CRTC1: variants seen among roughly 807,000 people sequenced by gnomAD.
The protein encoded by CRTC1 is CREB regulated transcription coactivator 1.
In CRTC1, 18 loss-of-function variants were observed where a neutral mutation model predicts 66.1. That is an observed-to-expected ratio of 0.27 (90% CI 0.19 to 0.40). The LOEUF (loss-of-function observed/expected upper bound fraction) is 0.40. Among genes scored for constraint, CRTC1 ranks in the 10% least tolerant of loss-of-function variants. The pLI is 1.00. For missense variants in CRTC1, 669 were observed against 887.9 expected (o/e 0.75, Z 3.13); for synonymous variants, 416 against 398.8 (o/e 1.04, Z -0.51).
chr19:18,696,373 G>A (rs1213714267), intron 1 of CRTC1, among the ~76,000 whole-genome samples: 1 of 152,226 alleles, frequency 6.6e-6, no homozygotes, highest in African/African-American at 2.4e-5. Context: ...GAAGGTTCTA[G>A]TGGGATGGCA....
intron 11 of CRTC1, among the ~76,000 whole-genome samples, chr19:18,772,850 G>C (rs1005491755): frequency 1.1e-4 from 16 of 152,340 alleles, no homozygotes; most frequent in Middle Eastern, 3.4e-3. Context: ...TGGTCTCGTC[G>C]TGTGGTACTG....
At chr19:18,742,882 C>A in intron 1 of CRTC1, 28 bp from the exon 2 acceptor site, 1 of 1,561,134 alleles carries the variant, frequency 6.4e-7, no homozygotes, top group South Asian at 1.1e-5. Flanking sequence ...GGTGACCCCT[C>A]CCGCAGCTGC....
At chr19:18,762,652 C>T (rs2054640431) in intron 8 of CRTC1, among the ~76,000 whole-genome samples, 2 of 152,220 alleles carry the variant, frequency 1.3e-5, no homozygotes, top group Admixed American at 1.3e-4. Context: ...GGCCCTGACA[C>T]CTGGCCCGCC....
rs2075017 is a variant in CRTC1 at position 18,742,743 on chromosome 19, T to A, written c.127-167T>A. Reference sequence around the variant, plus strand: ...GGGTTTCTGATTCTGCCATTTTTGGTGGAGGGACACCTGGTTTCCTTAAGC... The same window carrying A: ...GGGTTTCTGATTCTGCCATTTTTGGAGGAGGGACACCTGGTTTCCTTAAGC... On this transcript the variant is annotated intron_variant, in intron 1 of 13. Transcript: ENST00000321949. Among the ~76,000 whole-genome samples the A allele has an allele frequency of 1.5e-3, 235 of 152,220 alleles. 1 individual carries two copies. Among genetic ancestry groups the A allele is most frequent in the Non-Finnish European group, 2.1e-3 (144 of 67,998 alleles).
intron 1 of CRTC1, among the ~76,000 whole-genome samples, chr19:18,710,902 C>T (rs1311913952): frequency 6.6e-6 from 1 of 152,186 alleles, no homozygotes; most frequent in Non-Finnish European, 1.5e-5. Flanking sequence ...AGGTGTGAAC[C>T]ACCGCGCCCG....
intron 5 of CRTC1, among the ~76,000 whole-genome samples, chr19:18,753,092 C>T (rs916530638): frequency 1.2e-4 from 18 of 151,466 alleles, no homozygotes; most frequent in East Asian, 5.9e-4. Context: ...AGTGAAACCC[C>T]GTCTCTACTA....
chr19:18,686,820 G>A (rs1462193224), intron 1 of CRTC1, among the ~76,000 whole-genome samples: 1 of 151,932 alleles, frequency 6.6e-6, no homozygotes. Context: ...TGGGGCAGGG[G>A]GTGATTCTGC....
chr19:18,714,498 G>A (rs896608334), intron 1 of CRTC1, among the ~76,000 whole-genome samples: 2 of 152,060 alleles, frequency 1.3e-5, no homozygotes, highest in South Asian at 2.1e-4. Flanking sequence ...AGTAGAGAGC[G>A]GGTTTCACCA....
chr19:18,777,561 C>T lies in CRTC1; in HGVS notation c.*179C>T. On this transcript the variant is annotated 3_prime_UTR_variant, in exon 14 of 14. Coordinates refer to ENST00000321949, the MANE Select transcript of CRTC1 (RefSeq NM_015321.3). The surrounding 1 kb of genome is among the most constrained non-coding windows in gnomAD (Gnocchi z 5.5). ...CCTCCCGCGAAGCCCAATCGCGAGGCCGCGAGCCGGGCCGTCCACCCACCC... is the reference window on the plus strand; with the variant it reads ...CCTCCCGCGAAGCCCAATCGCGAGGTCGCGAGCCGGGCCGTCCACCCACCC... 2 of 604,972 alleles carry T rather than the reference C, an allele frequency of 3.3e-6. No individual in the cohort carries two copies. Among genetic ancestry groups the T allele is most frequent in the Non-Finnish European group, 5.6e-6 (2 of 354,816 alleles). The allele number at this position is 604,972 out of a possible 1,614,324, so 37.5% of individuals were successfully genotyped here. A position where few individuals can be genotyped will look rare whatever the true frequency, so the allele number is the denominator to read the frequency against.
intron 11 of CRTC1, among the ~76,000 whole-genome samples, chr19:18,772,803 A>G (rs2054899409): frequency 6.6e-6 from 1 of 152,090 alleles, no homozygotes; most frequent in Non-Finnish European, 1.5e-5. Flanking sequence ...GTCTGCCCGC[A>G]CTGGCTCTCT....
In CRTC1 at chr19:18,749,819, C is replaced by T. The variant is rs376899042; in HGVS notation, c.482C>T (p.Thr161Met). 51 of 1,613,980 alleles carry T rather than the reference C, an allele frequency of 3.2e-5. No individual in the cohort carries two copies. In the Middle Eastern group the frequency reaches 1.5e-3, roughly 47 times the overall value. Residue 161 changes from threonine to methionine, a missense_variant, in exon 5 of 14, where the codon ACG becomes ATG. By Grantham distance (81) the Thr-to-Met change is moderately conservative (BLOSUM62 -1). Transcript: ENST00000321949. ...SDSALHQSTM[T>M]PTQPESFSSG... is the part of the protein sequence containing the mutation. The stretch of plus-strand genomic sequence containing the variant: ...TCCGCCCTGCACCAGAGCACAATGA[C>T]GCCCACGCAGCCAGAATCCTTTAGC...
At chr19:18,722,974 T>TCTCTTGCCCA (rs1454149018) in intron 1 of CRTC1, among the ~76,000 whole-genome samples, 1 of 152,030 alleles carries the variant, frequency 6.6e-6, no homozygotes, top group African/African-American at 2.4e-5. Context: ...AGGGTCTTGC[T>TCTCTTGCCCA]CTCTTGCCCA....
Position 18,760,399 on chromosome 19 carries a change from G to T in CRTC1, c.886+171G>T, listed in dbSNP as rs1216570784. Among the ~76,000 whole-genome samples, 1 of 152,138 alleles carries T rather than the reference G, an allele frequency of 6.6e-6. No individual in the cohort carries two copies. Among genetic ancestry groups the T allele is most frequent in the Admixed American group, 6.5e-5 (1 of 15,278 alleles). ...GGCACAGGCATCCCAGGTAGGGGTG[G>T]GGCCTGGGTACAGGCCTGGTGGAAA... On this transcript the variant is annotated intron_variant, in intron 8 of 13. Coordinates refer to ENST00000321949, the MANE Select transcript of CRTC1 (RefSeq NM_015321.3). This position sits in a 1 kb window ranked among gnomAD's most constrained non-coding sequence, Gnocchi z 6.2.
intron 3 of CRTC1, among the ~76,000 whole-genome samples, chr19:18,746,846 G>A (rs985227113): frequency 6.6e-6 from 1 of 152,214 alleles, no homozygotes; most frequent in Non-Finnish European, 1.5e-5. Flanking sequence ...GGACAGGGCT[G>A]TACCCCTGGA....
Position 18,778,975 on chromosome 19 carries a change from C to T in CRTC1, c.*1593C>T. ...GTTTTAGTGGCAGGTTTCAGGAGCACCTCTAAGACCAGGGTGACAGGGTAC... is the reference window on the plus strand; with the variant it reads ...GTTTTAGTGGCAGGTTTCAGGAGCATCTCTAAGACCAGGGTGACAGGGTAC... On this transcript the variant is annotated 3_prime_UTR_variant, in exon 14 of 14. Transcript: ENST00000321949. 1 of 231,670 alleles carries T rather than the reference C, an allele frequency of 4.3e-6. No homozygotes were observed. The highest frequency in any genetic ancestry group is 8.5e-6 in the Non-Finnish European group (1 of 117,062). The allele number at this position is 231,670 out of a possible 1,614,324, so 14.4% of individuals were successfully genotyped here. A position where few individuals can be genotyped will look rare whatever the true frequency, so the allele number is the denominator to read the frequency against.
intron 12 of CRTC1, among the ~76,000 whole-genome samples, chr19:18,775,212 CCTA>C (rs2054959254): frequency 1.3e-5 from 2 of 152,240 alleles, no homozygotes; most frequent in South Asian, 4.1e-4. Context: ...TCTTTGCCCA[CCTA>C]CAGAGCGGAG....
chr19:18,731,570 G>A (rs925654772), intron 1 of CRTC1, among the ~76,000 whole-genome samples: 2 of 152,128 alleles, frequency 1.3e-5, no homozygotes, highest in African/African-American at 4.8e-5. Flanking sequence ...TGAGTTTCAG[G>A]GGAGCTGTGA....
rs1186719614 is a variant in CRTC1, at chr19:18,760,905, C to T, written c.886+677C>T. 6.6e-6 allele frequency among the ~76,000 whole-genome samples: 1 copy of T among 151,962 alleles called. No homozygotes were observed. The highest frequency in any genetic ancestry group is 1.5e-5 in the Non-Finnish European group (1 of 67,952). Reference sequence around the variant, plus strand: ...CCTCAGGACCTGGCCTGACCTGGCTCCTCTCCCCAGGCCCCCAGCCCCCTC... The same window carrying T: ...CCTCAGGACCTGGCCTGACCTGGCTTCTCTCCCCAGGCCCCCAGCCCCCTC... On this transcript the variant is annotated intron_variant, in intron 8 of 13. Transcript: ENST00000321949. The surrounding 1 kb of genome is among the most constrained non-coding windows in gnomAD (Gnocchi z 6.2).
At chr19:18,743,050 T>C (rs1316690933) in intron 2 of CRTC1, 24 bp downstream of exon 2, 10 of 1,557,964 alleles carry the variant, frequency 6.4e-6, no homozygotes, top group Non-Finnish European at 8.8e-6. Flanking sequence ...CCCCTGGCCC[T>C]GCCCCATTGT....
Sources: gnomAD v4.1 joint callset for allele counts (sites outside exome capture counted in the v4.1 genomes callset) on GRCh38, gnomAD v4.1.1 for gene constraint, Gnocchi (gnomAD v3.1) non-coding constraint, MANE v1.5 for transcripts, NCBI Gene and HGNC (gene_info 2026-07-23, HGNC 2026-07-21) for gene names.